Variants in GOLGA3 observed in about 807,000 individuals in gnomAD.
GOLGA3 encodes the protein golgin subfamily A member 3.
GOLGA3 carries 75 observed loss-of-function variants against 169.4 expected under a neutral mutation model. That is an observed-to-expected ratio of 0.44 (90% CI 0.37 to 0.54). The LOEUF is 0.54. Ranked by LOEUF, GOLGA3 falls within the 20% of genes least tolerant of loss-of-function variation. The pLI, the probability that GOLGA3 is intolerant of heterozygous loss-of-function variation, is 0.00. For synonymous variants in GOLGA3, 824 were observed against 822.4 expected (o/e 1.00, Z -0.03); for missense variants, 1,899 against 1,930.0 (o/e 0.98, Z 0.30).
intron 2 of GOLGA3, among the ~76,000 whole-genome samples, 163 bp from the exon 3 acceptor site, chr12:132,816,975 C>T (rs1042350139): frequency 7.2e-5 from 11 of 152,110 alleles, no homozygotes; most frequent in Admixed American, 3.3e-4. Context: ...CCATGGGCCC[C>T]GTCCCACAGG....
Position 132,771,493 on chromosome 12 carries a change from AGGATTTGG to A in GOLGA3, c.*1604_*1611del. On this transcript the variant is annotated 3_prime_UTR_variant, in exon 24 of 24. Transcript: ENST00000450791. Reference sequence around the variant, plus strand: ...AGTCAGCCAGTGTCTGCAGGGTTTCAGGATTTGGGGTAGGAAACAGAAGATCTCACACA... The same window carrying A: ...AGTCAGCCAGTGTCTGCAGGGTTTCAGGTAGGAAACAGAAGATCTCACACA... The A allele has an allele frequency of 6.6e-6, 1 of 152,302 alleles. No individual in the cohort carries two copies. The highest frequency in any genetic ancestry group is 2.4e-5 in the African/African-American group (1 of 41,560). The allele number at this position is 152,302 out of a possible 1,614,324, so 9.4% of individuals were successfully genotyped here.
intron 12 of GOLGA3, among the ~76,000 whole-genome samples, chr12:132,790,818 AG>A (rs937076597): frequency 2.6e-5 from 4 of 151,882 alleles, no homozygotes; most frequent in African/African-American, 9.7e-5. Flanking sequence ...GAGGCCGAGG[AG>A]GGTGGATCAC....
intron 4 of GOLGA3, among the ~76,000 whole-genome samples, chr12:132,812,069 T>C (rs1949742128): frequency 6.9e-6 from 1 of 144,970 alleles, no homozygotes; most frequent in South Asian, 2.3e-4. Context: ...GTGCTTTTAA[T>C]CCCAGTTACT....
At chr12:132,819,331 T>G (rs1470115509) in intron 2 of GOLGA3, among the ~76,000 whole-genome samples, 1 of 151,308 alleles carries the variant, frequency 6.6e-6, no homozygotes, top group Non-Finnish European at 1.5e-5. Context: ...AGATCGAGAC[T>G]ATCCTGGCTA....
chr12:132,815,057 G>A lies in GOLGA3; in HGVS notation c.406+1483C>T, dbSNP rs536632501. The stretch of plus-strand genomic sequence containing the variant: ...TTACAGGTAGATGCTGAGGAGATGA[G>A]CAGCTACTGTCCTAAATAATCCCTA... On this transcript the variant is annotated intron_variant, in intron 3 of 23. Coordinates refer to ENST00000450791, the MANE Select transcript of GOLGA3 (RefSeq NM_001389683.1). Among the ~76,000 whole-genome samples the A allele has an allele frequency of 1.4e-4, 21 of 152,330 alleles. No individual in the cohort carries two copies. In the South Asian group the frequency reaches 4.3e-3, roughly 32 times the overall value.
At chr12:132,797,485 C>T (rs181346070) in intron 9 of GOLGA3, among the ~76,000 whole-genome samples, 250 of 152,228 alleles carry the variant, frequency 1.6e-3, no homozygotes, top group African/African-American at 5.6e-3. Context: ...CCGAGGCAGG[C>T]GGATCACCTG....
intron 14 of GOLGA3, 50 bp downstream of exon 14, chr12:132,786,643 C>T (rs762319744): frequency 9.6e-5 from 102 of 1,067,546 alleles, no homozygotes; most frequent in Non-Finnish European, 1.2e-4. Context: ...CCCCGGCCCC[C>T]GCACCTCCCA....
At position 132,773,119 on chromosome 12, in the gene GOLGA3, C is replaced by T. The variant is rs1417085576; in HGVS notation, c.4483G>A (p.Gly1495Arg). The T allele has an allele frequency of 2.5e-6, 4 of 1,583,006 alleles. No individual in the cohort carries two copies. Among genetic ancestry groups the T allele is most frequent in the Non-Finnish European group, 3.4e-6 (4 of 1,163,896 alleles). ...GTCCACAGCAGTCACTCTCCCGGCC[C>T]TTCTTTGGAAGCCCTGCTCTGACTG... The part of the protein sequence containing the change: ...RHSQSRASKE[G>R]PGE Residue 1495 changes from glycine (G) to arginine (R), a missense_variant, in exon 24 of 24, where the codon GGG becomes AGG. Physicochemically the swap from Gly to Arg is moderately radical, Grantham distance 125 (BLOSUM62 -2). Transcript: ENST00000450791.
chr12:132,788,832 A>G (rs2046064259), intron 13 of GOLGA3, among the ~76,000 whole-genome samples, 195 bp downstream of exon 13: 3 of 151,754 alleles, frequency 2.0e-5, no homozygotes. Context: ...TCTGGGACCT[A>G]TGCTCCAGGT....
At chr12:132,808,927 CAAAG>C (rs1044532325) in intron 4 of GOLGA3, among the ~76,000 whole-genome samples, 5 of 152,192 alleles carry the variant, frequency 3.3e-5, no homozygotes, top group African/African-American at 1.2e-4. Flanking sequence ...AGACACAAGA[CAAAG>C]AGACAAGAGA....
intron 23 of GOLGA3, among the ~76,000 whole-genome samples, chr12:132,773,586 C>T (rs1319517683): frequency 2.0e-5 from 3 of 152,218 alleles, no homozygotes; most frequent in East Asian, 1.9e-4. Context: ...CGCCTGGCTC[C>T]GCCCTACACA....
intron 23 of GOLGA3, 68 bp downstream of exon 23, chr12:132,774,089 T>C (rs1026450207): frequency 1.4e-6 from 2 of 1,422,130 alleles, no homozygotes; most frequent in Non-Finnish European, 1.9e-6. Context: ...GCACCAGGAG[T>C]GCCCTCCCAG....
intron 9 of GOLGA3, among the ~76,000 whole-genome samples, chr12:132,797,758 G>A (rs1047162711): frequency 4.6e-5 from 7 of 151,938 alleles, no homozygotes; most frequent in African/African-American, 7.2e-5. Flanking sequence ...ATTGTCCAGC[G>A]CCCCACAGCT....
rs775285670 is a variant in GOLGA3 at position 132,769,156 on chromosome 12, G to A, written c.*3949C>T. On this transcript the variant is annotated 3_prime_UTR_variant, in exon 24 of 24. Transcript: ENST00000450791. ...TTCCCTCCGGATCCTGTGAGAGCCT[G>A]AGATCACTTATGACGAGATTCACCT... is the stretch of plus-strand genomic sequence containing the variant. 4 of 152,248 alleles carry A rather than the reference G, an allele frequency of 2.6e-5. No individual in the cohort carries two copies. Among genetic ancestry groups the A allele is most frequent in the Non-Finnish European group, 5.9e-5 (4 of 68,050 alleles). The allele number at this position is 152,248 out of a possible 1,614,324, so 9.4% of individuals were successfully genotyped here. A position where few individuals can be genotyped will look rare whatever the true frequency, so the allele number is the denominator to read the frequency against.
chr12:132,775,784 G>A (rs999863826), intron 21 of GOLGA3, among the ~76,000 whole-genome samples: 1 of 152,196 alleles, frequency 6.6e-6, no homozygotes, highest in African/African-American at 2.4e-5. Flanking sequence ...TGTAACTCAA[G>A]CCCCTCATTT....
chr12:132,791,050 C>CAAAAAAAAAA (rs771719474), intron 12 of GOLGA3, among the ~76,000 whole-genome samples, 166 bp downstream of exon 12: 29 of 52,650 alleles, frequency 5.5e-4, no homozygotes, highest in African/African-American at 1.0e-3. Flanking sequence ...GACTCCGTCT[C>CAAAAAAAAAA]AAAAAAAAAA....
rs775660392 is a variant in GOLGA3 at position 132,784,354 on chromosome 12, A to ACCC, written c.3124-50_3124-48dup. On this transcript the variant is annotated intron_variant, in intron 15 of 23. Transcript: ENST00000450791. ...GCGCTTGGTCATGGGACAGGCCCTG[A>ACCC]CCCCCCTCACTTCCTGTGGTGCCGG... 2.6e-6 allele frequency: 4 copies of ACCC among 1,511,696 alleles called. No individual in the cohort carries two copies. The Admixed American group carries it at 7.2e-5, about 27-fold the overall frequency. 93.6% of individuals were successfully genotyped at this position (1,511,696 alleles called of 1,614,324 possible).
chr12:132,803,068 A>G lies in GOLGA3; in HGVS notation c.1598-1099T>C, dbSNP rs538449166. On this transcript the variant is annotated intron_variant, in intron 7 of 23. Transcript: ENST00000450791. ...GAAACTCCGTCTCAAAAACAAAACA[A>G]AACAACAACAACAACAAAACAACAA... is the stretch of plus-strand genomic sequence containing the variant. Among the ~76,000 whole-genome samples the G allele has an allele frequency of 1.2e-3, 95 of 76,982 alleles. 2 individuals carry two copies. Among genetic ancestry groups the G allele is most frequent in the South Asian group, 0.012 (35 of 2,890 alleles). The allele number at this position is 76,982 out of a possible 152,430, so 50.5% of individuals were successfully genotyped here. A position where few individuals can be genotyped will look rare whatever the true frequency, so the allele number is the denominator to read the frequency against.
In GOLGA3 at chr12:132,804,229, G is replaced by A. The variant is rs1206515466; in HGVS notation, c.1597+487C>T. Among the ~76,000 whole-genome samples, 1 of 152,166 alleles carries A rather than the reference G, an allele frequency of 6.6e-6. No individual in the cohort carries two copies. Among genetic ancestry groups the A allele is most frequent in the East Asian group, 1.9e-4 (1 of 5,194 alleles). ...GGAGCTGTTCTTGAATATTTTAAAT[G>A]GAATCTGCAATTCTGTGGAATAAGT... On this transcript the variant is annotated intron_variant, in intron 7 of 23. Coordinates refer to ENST00000450791, the MANE Select transcript of GOLGA3 (RefSeq NM_001389683.1). The surrounding 1 kb of genome is among the most constrained non-coding windows in gnomAD (Gnocchi z 4.1).
Sources: allele counts gnomAD v4.1 joint callset (sites outside exome capture counted in the v4.1 genomes callset), GRCh38; gene constraint gnomAD v4.1.1; non-coding constraint Gnocchi (gnomAD v3.1); transcripts MANE v1.5; gene names NCBI Gene and HGNC (gene_info 2026-07-23, HGNC 2026-07-21).